PI4K2A: variants seen among roughly 807,000 people sequenced by gnomAD.
The protein encoded by PI4K2A is phosphatidylinositol 4-kinase type 2 alpha.
PI4K2A carries 20 observed loss-of-function variants against 55.0 expected under a neutral mutation model. That is an observed-to-expected ratio of 0.36 (90% CI 0.26 to 0.53). PI4K2A has a LOEUF of 0.53. Ranked by LOEUF, PI4K2A falls within the 20% of genes least tolerant of loss-of-function variation. PI4K2A has a pLI of 0.91. For synonymous variants in PI4K2A, 235 were observed against 258.5 expected, an observed-to-expected ratio of 0.91 and a Z score of 0.87; for missense variants, 463 against 637.1, an observed-to-expected ratio of 0.73 and a Z score of 2.94.
chr10:97,664,939 A>C (rs2041602821), exon 6 of PI4K2A: 1 of 1,613,860 alleles, frequency 6.2e-7, no homozygotes, highest in Non-Finnish European at 8.5e-7. Flanking sequence ...TGCCATAGAC[A>C]ATGGGCTGGC....
At chr10:97,655,155 A>T (rs1334105659) in intron 2 of PI4K2A, among the ~76,000 whole-genome samples, 1 of 152,122 alleles carries the variant, frequency 6.6e-6, no homozygotes, top group African/African-American at 2.4e-5. Flanking sequence ...GGATCACCTG[A>T]GGTCAGGAGA....
intron 6 of PI4K2A, 72 bp from the exon 7 acceptor site, chr10:97,666,366 G>T: frequency 1.4e-6 from 2 of 1,437,406 alleles, no homozygotes; most frequent in South Asian, 2.6e-5. Context: ...AAAGTGCCTT[G>T]ACTGGTGGAG....
chr10:97,647,850 A>G (rs1261839381), intron 1 of PI4K2A, among the ~76,000 whole-genome samples: 1 of 151,936 alleles, frequency 6.6e-6, no homozygotes, highest in East Asian at 1.9e-4. Context: ...AAGGAAATCA[A>G]GATGTTTGAG....
chr10:97,663,069 T>A, intron 5 of PI4K2A, 101 bp downstream of exon 5: 2 of 809,356 alleles, frequency 2.5e-6, no homozygotes, highest in Non-Finnish European at 4.3e-6. Context: ...TTCAGAAGAA[T>A]CGGGGGGCGC....
At chr10:97,659,339 C>G (rs754943623) in intron 4 of PI4K2A, among the ~76,000 whole-genome samples, 15 of 151,948 alleles carry the variant, frequency 9.9e-5, no homozygotes, top group African/African-American at 3.4e-4. Flanking sequence ...TGGCTTGCAA[C>G]TGATTTTTTT....
At chr10:97,651,574 G>A (rs1402573505) in intron 2 of PI4K2A, among the ~76,000 whole-genome samples, 1 of 152,168 alleles carries the variant, frequency 6.6e-6, no homozygotes, top group Non-Finnish European at 1.5e-5. Flanking sequence ...CAGGCTGAGG[G>A]TTAGAACAAT....
At chr10:97,676,217 T>C (rs1178051774) in exon 9 of PI4K2A, 1 of 152,186 alleles carries the variant, frequency 6.6e-6, no homozygotes, top group East Asian at 1.9e-4. Context: ...GTCCCAATGC[T>C]CTGAAAACCA....
At chr10:97,659,120 G>A (rs554823170) in intron 4 of PI4K2A, among the ~76,000 whole-genome samples, 5 of 152,228 alleles carry the variant, frequency 3.3e-5, no homozygotes, top group South Asian at 2.1e-4. Flanking sequence ...CTACAGCCTC[G>A]GACTCCTGGG....
chr10:97,658,883 GCTGT>G (rs1370373436), intron 4 of PI4K2A, among the ~76,000 whole-genome samples: 1 of 152,114 alleles, frequency 6.6e-6, no homozygotes, highest in African/African-American at 2.4e-5. Flanking sequence ...CTTCTTTGGA[GCTGT>G]CTATTTAAGT....
chr10:97,666,992 C>A, intron 7 of PI4K2A, 69 bp from the exon 8 acceptor site: 1 of 1,235,902 alleles, frequency 8.1e-7, no homozygotes, highest in Non-Finnish European at 1.2e-6. Context: ...AAGTTTCTAA[C>A]TGGGGGAGAA....
intron 2 of PI4K2A, among the ~76,000 whole-genome samples, chr10:97,655,520 G>A (rs2041549803): frequency 6.6e-6 from 1 of 152,032 alleles, no homozygotes; most frequent in Admixed American, 6.6e-5. Flanking sequence ...CATACTAGCT[G>A]CTGTAACAAC....
Position 97,656,291 on chromosome 10 carries a change from T to A in PI4K2A, c.643T>A (p.Tyr215Asn). The A allele has an allele frequency of 6.2e-7, 1 of 1,613,550 alleles. No homozygotes were observed. Among genetic ancestry groups the A allele is most frequent in the Non-Finnish European group, 8.5e-7 (1 of 1,179,434 alleles). ...CTCTTCTCTTTCACTGTAGGTAGTA[T>A]ACCTGGCCAGTGAGACCTTCAACTA... Residue 215 changes from tyrosine (Y) to asparagine (N), a missense_variant, in exon 3 of 9, where the codon TAC becomes AAC. Tyr to Asn is a moderately radical substitution (Grantham distance 143, BLOSUM62 -2). This residue lies in a region of PI4K2A where 277 missense variants were observed against 432.6 expected (regional missense o/e 0.64). Transcript: ENST00000370631. This position sits in a 1 kb window ranked among gnomAD's most constrained non-coding sequence, Gnocchi z 4.5.
intron 1 of PI4K2A, among the ~76,000 whole-genome samples, chr10:97,649,685 G>A (rs764803549): frequency 2.1e-5 from 3 of 140,414 alleles, no homozygotes; most frequent in African/African-American, 5.3e-5. Flanking sequence ...GTGCAGTGGC[G>A]TGATCTCAGC....
chr10:97,663,005 G>A (rs1402819593), intron 5 of PI4K2A, 37 bp downstream of exon 5: 1 of 1,331,034 alleles, frequency 7.5e-7, no homozygotes, highest in Non-Finnish European at 1.1e-6. Flanking sequence ...AGAATGAAGA[G>A]TATTTGCATA....
At chr10:97,641,232 G>A (rs1019675650) in intron 1 of PI4K2A, 55 bp downstream of exon 1, 1 of 1,333,180 alleles carries the variant, frequency 7.5e-7, no homozygotes, top group Non-Finnish European at 1.0e-6. Context: ...GGCGCTCCTG[G>A]GGAGTTGGGG....
At chr10:97,665,281 T>TC (rs2135760134) in intron 6 of PI4K2A, among the ~76,000 whole-genome samples, 1 of 150,210 alleles carries the variant, frequency 6.7e-6, no homozygotes, top group East Asian at 1.9e-4. Context: ...TCTGAGGACT[T>TC]TTTTTTTTTG....
chr10:97,673,852 CCT>C (rs899051852), exon 9 of PI4K2A: 35 of 940,200 alleles, frequency 3.7e-5, no homozygotes, highest in Admixed American at 1.1e-4. Flanking sequence ...CTTTAAGAGC[CCT>C]CTCTCTCTGC....
In PI4K2A at chr10:97,659,228, C is replaced by T. The variant is rs565121091; in HGVS notation, c.922+2254C>T. Among the ~76,000 whole-genome samples, 5 of 151,482 alleles carry T rather than the reference C, an allele frequency of 3.3e-5. No homozygotes were observed. In the South Asian group the frequency reaches 1.0e-3, roughly 31 times the overall value. On this transcript the variant is annotated intron_variant, in intron 4 of 8. Coordinates refer to ENST00000370631, the Ensembl canonical transcript of PI4K2A. The stretch of plus-strand genomic sequence containing the variant: ...TTTAAATTCTTTGTAGAGATGAGGT[C>T]TCACTGCGTTGCCCAGACTGGTCTC...
At chr10:97,660,968 C>G (rs2041580006) in intron 4 of PI4K2A, among the ~76,000 whole-genome samples, 1 of 150,200 alleles carries the variant, frequency 6.7e-6, no homozygotes, top group African/African-American at 2.5e-5. Context: ...TTGACTGGAA[C>G]TGCTGGATTT....
Sources: allele counts gnomAD v4.1 joint callset (sites outside exome capture counted in the v4.1 genomes callset), GRCh38; gene constraint gnomAD v4.1.1; regional missense constraint gnomAD v4.1.1; non-coding constraint Gnocchi (gnomAD v3.1); transcripts MANE v1.5; gene names NCBI Gene and HGNC (gene_info 2026-07-23, HGNC 2026-07-21).